The following MYZAP variants were observed in gnomAD, a reference collection of about 807,000 sequenced individuals.
The protein encoded by MYZAP is myocardial zonula adherens protein.
Under a neutral mutation model 69.4 loss-of-function variants are expected in MYZAP, and 66 were observed. The ratio of observed to expected loss-of-function variants is 0.95; its 90% CI spans 0.78 to 1.17. The LOEUF (loss-of-function observed/expected upper bound fraction) is 1.17. MYZAP is among the 50% of genes most tolerant of loss of function. The pLI is 0.00. For missense variants in MYZAP, 611 were observed against 556.2 expected, an observed-to-expected ratio of 1.10 and a Z score of -0.99; for synonymous variants, 256 against 205.9, an observed-to-expected ratio of 1.24 and a Z score of -2.09.
chr15:57,654,034 T>TAAAAAAAAAAA (rs1595914427), intron 10 of MYZAP, among the ~76,000 whole-genome samples: 2 of 7,258 alleles, frequency 2.8e-4, no homozygotes, highest in Non-Finnish European at 1.8e-3. Flanking sequence ...AAAAAAAAAG[T>TAAAAAAAAAAA]CCCTATTTAG....
chr15:57,673,456 GTGCA>G (rs1474050182), intron 11 of MYZAP, among the ~76,000 whole-genome samples: 4 of 145,780 alleles, frequency 2.7e-5, no homozygotes, highest in South Asian at 2.2e-4. Context: ...GTGCGCATGC[GTGCA>G]TGCGTGTGTG....
chr15:57,592,600 C>T (rs954020791), intron 1 of MYZAP, among the ~76,000 whole-genome samples: 29 of 152,168 alleles, frequency 1.9e-4, no homozygotes, highest in Admixed American at 1.8e-3. Context: ...AGCAGCCGGC[C>T]GCCCAGGAGC....
chr15:57,620,420 T>C (rs1368720546), intron 3 of MYZAP, among the ~76,000 whole-genome samples: 1 of 152,184 alleles, frequency 6.6e-6, no homozygotes, highest in Non-Finnish European at 1.5e-5. Context: ...AAAACTCCCT[T>C]GAGACTTCCT....
intron 3 of MYZAP, among the ~76,000 whole-genome samples, chr15:57,619,492 C>T (rs1353030257): frequency 6.6e-6 from 1 of 152,154 alleles, no homozygotes; most frequent in Non-Finnish European, 1.5e-5. Context: ...ATCCTCCTGC[C>T]TCAGCTTCCC....
chr15:57,656,258 G>A (rs1472537031), intron 10 of MYZAP, among the ~76,000 whole-genome samples: 2 of 152,178 alleles, frequency 1.3e-5, no homozygotes, highest in Non-Finnish European at 2.9e-5. Flanking sequence ...AAGTCTATGG[G>A]ATGGATTGTT....
intron 8 of MYZAP, among the ~76,000 whole-genome samples, chr15:57,637,180 C>T (rs191279608): frequency 6.6e-6 from 1 of 152,334 alleles, no homozygotes; most frequent in Non-Finnish European, 1.5e-5. Context: ...GAATTCCTTT[C>T]TCCATGTAAG....
intron 2 of MYZAP, among the ~76,000 whole-genome samples, chr15:57,615,230 A>G (rs1183592119): frequency 1.3e-5 from 2 of 152,254 alleles, no homozygotes; most frequent in African/African-American, 4.8e-5. Context: ...TTTCCTGAGG[A>G]AACTGTCGTT....
In MYZAP at chr15:57,592,030, G is replaced by A. The variant is rs2033700887; in HGVS notation, c.-5G>A. On this transcript the variant is annotated 5_prime_UTR_variant, in exon 1 of 13. Coordinates refer to ENST00000267853, the MANE Select transcript of MYZAP (RefSeq NM_001018100.5). The stretch of plus-strand genomic sequence containing the variant: ...GTCCAGCCCGCTACCGACCGCCGCT[G>A]CGGGATGCTGCGCTCCACGTCCACG... The A allele has an allele frequency of 7.0e-7, 1 of 1,435,708 alleles. No individual in the cohort carries two copies. The highest frequency in any genetic ancestry group is 9.1e-7 in the Non-Finnish European group (1 of 1,098,904). The allele number at this position is 1,435,708 out of a possible 1,614,324, so 88.9% of individuals were successfully genotyped here.
chr15:57,652,077 G>A (rs891436547), intron 10 of MYZAP, among the ~76,000 whole-genome samples: 32 of 152,098 alleles, frequency 2.1e-4, no homozygotes, highest in Non-Finnish European at 2.2e-4. Flanking sequence ...TTCATATCTA[G>A]CCTGGCTGAA....
rs763856721 is a variant in MYZAP at position 57,616,822 on chromosome 15, C to CTTTTTTTTTTTTTTTTTTTTTTTTT, written c.163-1210_163-1186dup. Among the ~76,000 whole-genome samples, 21 of 50,058 alleles carry CTTTTTTTTTTTTTTTTTTTTTTTTT rather than the reference C, an allele frequency of 4.2e-4. 1 individual carries two copies. The highest frequency in any genetic ancestry group is 9.7e-4 in the East Asian group (1 of 1,026). The allele number at this position is 50,058 out of a possible 152,430, so 32.8% of individuals were successfully genotyped here. On this transcript the variant is annotated intron_variant, in intron 2 of 12. Transcript: ENST00000267853. ...GAGACTCCATCTAAAAAAAAAAGTG[C>CTTTTTTTTTTTTTTTTTTTTTTTTT]TTTTTTTTTTTTTTTTTTTTTTTTT... is the stretch of plus-strand genomic sequence containing the variant.
At chr15:57,664,084 T>A (rs1408084403) in intron 11 of MYZAP, among the ~76,000 whole-genome samples, 1 of 149,476 alleles carries the variant, frequency 6.7e-6, no homozygotes, top group East Asian at 1.9e-4. Flanking sequence ...TTTTTTTTTT[T>A]AAACCTTCCT....
chr15:57,667,965 A>C (rs1203067449), intron 11 of MYZAP, among the ~76,000 whole-genome samples: 1 of 152,108 alleles, frequency 6.6e-6, no homozygotes, highest in Non-Finnish European at 1.5e-5. Flanking sequence ...GTAGATGGTG[A>C]GTCACTTTTT....
chr15:57,654,593 A>G (rs2037914699), intron 10 of MYZAP, among the ~76,000 whole-genome samples: 1 of 152,168 alleles, frequency 6.6e-6, no homozygotes. Flanking sequence ...TTTCTTCATT[A>G]ATTTCTCTCC....
At chr15:57,672,874 A>G (rs1445643236) in intron 11 of MYZAP, among the ~76,000 whole-genome samples, 1 of 151,680 alleles carries the variant, frequency 6.6e-6, no homozygotes, top group Non-Finnish European at 1.5e-5. Context: ...GTCCCCTCTG[A>G]GTTCCCTCTT....
chr15:57,618,458 G>A (rs1240983788), intron 3 of MYZAP, among the ~76,000 whole-genome samples: 2 of 152,122 alleles, frequency 1.3e-5, no homozygotes, highest in Non-Finnish European at 2.9e-5. Flanking sequence ...TTCCGTGTAG[G>A]GTTTGGAGGC....
intron 1 of MYZAP, among the ~76,000 whole-genome samples, 195 bp from the exon 2 acceptor site, chr15:57,604,074 G>A (rs2034584867): frequency 6.6e-6 from 1 of 152,318 alleles, no homozygotes; most frequent in South Asian, 2.1e-4. Flanking sequence ...AGGGTGGTGG[G>A]TGCCTGTGCT....
intron 3 of MYZAP, among the ~76,000 whole-genome samples, chr15:57,620,640 C>T (rs1403395504): frequency 6.6e-6 from 1 of 152,206 alleles, no homozygotes; most frequent in Non-Finnish European, 1.5e-5. Flanking sequence ...ATATTTACTG[C>T]CTTGCGTGTT....
chr15:57,637,631 A>G, intron 8 of MYZAP, 64 bp from the exon 9 acceptor site: 1 of 1,564,216 alleles, frequency 6.4e-7, no homozygotes, highest in Non-Finnish European at 8.7e-7. Flanking sequence ...TAGAATTGCT[A>G]AATAGACATT....
intron 10 of MYZAP, among the ~76,000 whole-genome samples, chr15:57,643,939 C>A (rs1263167076): frequency 1.3e-5 from 2 of 152,148 alleles, no homozygotes; most frequent in African/African-American, 4.8e-5. Context: ...ACACTCTACC[C>A]CACTTTGCTA....
Sources: gnomAD v4.1 joint callset for allele counts (sites outside exome capture counted in the v4.1 genomes callset) on GRCh38, gnomAD v4.1.1 for gene constraint, MANE v1.5 for transcripts, NCBI Gene and HGNC (gene_info 2026-07-23, HGNC 2026-07-21) for gene names.